Variants in GALNT8 observed in about 807,000 individuals in gnomAD.
The protein encoded by GALNT8 is probable polypeptide N-acetylgalactosaminyltransferase 8.
GALNT8 carries 66 observed loss-of-function variants against 62.7 expected under a neutral mutation model. The ratio of observed to expected loss-of-function variants is 1.05; its 90% CI spans 0.86 to 1.29. GALNT8 has a LOEUF of 1.29. GALNT8 is among the 50% of genes most tolerant of loss of function. GALNT8 has a pLI of 0.00. For synonymous variants in GALNT8, 288 were observed against 294.3 expected, an observed-to-expected ratio of 0.98 and a Z score of 0.22; for missense variants, 771 against 791.8, an observed-to-expected ratio of 0.97 and a Z score of 0.32.
intron 10 of GALNT8, among the ~76,000 whole-genome samples, chr12:4,769,663 A>G (rs1293628808): frequency 6.6e-6 from 1 of 151,898 alleles, no homozygotes; most frequent in South Asian, 2.1e-4. Flanking sequence ...GACCACATAT[A>G]CAATATTATC....
intron 6 of GALNT8, among the ~76,000 whole-genome samples, chr12:4,750,568 C>T (rs1370593882): frequency 3.3e-5 from 5 of 152,142 alleles, no homozygotes; most frequent in Non-Finnish European, 7.4e-5. Context: ...GTATGTACTA[C>T]ATTTTCATTA....
chr12:4,769,362 C>T (rs570478627), intron 10 of GALNT8, among the ~76,000 whole-genome samples: 3 of 152,334 alleles, frequency 2.0e-5, no homozygotes, highest in African/African-American at 7.2e-5. Context: ...AGAACCCAAA[C>T]TAACTACAAC....
At chr12:4,729,748 T>C (rs1325495381) in intron 2 of GALNT8, among the ~76,000 whole-genome samples, 2 of 152,174 alleles carry the variant, frequency 1.3e-5, no homozygotes, top group Admixed American at 6.5e-5. Flanking sequence ...ATATACCCAG[T>C]ATAGGATTGC....
chr12:4,720,804 A>G lies in GALNT8; in HGVS notation c.127A>G (p.Arg43Gly), dbSNP rs1196719462. 6 of 1,611,998 alleles carry G rather than the reference A, an allele frequency of 3.7e-6. No individual in the cohort carries two copies. Among genetic ancestry groups the G allele is most frequent in the Non-Finnish European group, 4.2e-6 (5 of 1,178,018 alleles). Residue 43 changes from arginine (R) to glycine (G), a missense_variant, in exon 1 of 11, where the codon AGG (arginine) becomes GGG (glycine). By Grantham distance (125) the Arg-to-Gly change is moderately radical (BLOSUM62 -2). Coordinates refer to ENST00000252318, the MANE Select transcript of GALNT8 (RefSeq NM_017417.2). ...LQNLFTGGLHRELPLHLNKRY... is the reference protein window; with the variant it reads ...LQNLFTGGLHGELPLHLNKRY... ...AAACCTGTTTACGGGTGGTCTCCAC[A>G]GGGAGCTTCCTTTACATCTGAATAA...
At chr12:4,771,911 C>G (rs1231555951) in intron 10 of GALNT8, among the ~76,000 whole-genome samples, 1 of 152,204 alleles carries the variant, frequency 6.6e-6, no homozygotes, top group Non-Finnish European at 1.5e-5. Context: ...CTTTGTAGCA[C>G]TAAAGCCTAT....
chr12:4,769,282 C>T (rs59929441), intron 10 of GALNT8, among the ~76,000 whole-genome samples: 3 of 152,178 alleles, frequency 2.0e-5, no homozygotes, highest in Admixed American at 2.0e-4. Flanking sequence ...CCACACACCA[C>T]TGGTGAGCAT....
Position 4,744,686 on chromosome 12 carries a change from A to G in GALNT8, c.846A>G (p.Glu282=). The part of the protein sequence containing the change: ...DVVAILDAHI[E]VNVGWAEPIL... ...TCGCCATCTTGGATGCTCACATTGA[A>G]GTCAATGTTGGGTGGTAAGGCTCAA... is the stretch of plus-strand genomic sequence containing the variant. Residue 282 remains glutamate (E), a synonymous_variant, in exon 4 of 11, where the codon GAA becomes GAG. Coordinates refer to ENST00000252318, the MANE Select transcript of GALNT8 (RefSeq NM_017417.2). 1 of 1,610,368 alleles carries G rather than the reference A, an allele frequency of 6.2e-7. No individual in the cohort carries two copies. Among genetic ancestry groups the G allele is most frequent in the Non-Finnish European group, 8.5e-7 (1 of 1,177,700 alleles).
chr12:4,772,662 C>A lies in GALNT8; in HGVS notation c.*65C>A. The A allele has an allele frequency of 8.2e-7, 1 of 1,222,352 alleles. No homozygotes were observed. Among genetic ancestry groups the A allele is most frequent in the Non-Finnish European group, 1.2e-6 (1 of 840,194 alleles). The allele number at this position is 1,222,352 out of a possible 1,614,324, so 75.7% of individuals were successfully genotyped here. ...AGTGGAATGGCTTCTACTCCTAACA[C>A]TCCCAGCTTCTTTCTCAATGAGAAA... On this transcript the variant is annotated 3_prime_UTR_variant, in exon 11 of 11. Coordinates refer to ENST00000252318, the MANE Select transcript of GALNT8 (RefSeq NM_017417.2).
rs1449659595 is a variant in GALNT8, at chr12:4,744,541, A to G, written c.701A>G (p.Glu234Gly). The G allele has an allele frequency of 6.2e-7, 1 of 1,610,892 alleles. No homozygotes were observed. The highest frequency in any genetic ancestry group is 1.7e-5 in the Admixed American group (1 of 59,596). The change falls in exon 4 of 11, where the codon GAG becomes GGG. Residue 234 changes from glutamate (E) to glycine (G), a missense_variant. By Grantham distance (98) the Glu-to-Gly change is moderately conservative. Transcript: ENST00000252318. Reference protein sequence around the residue: ...SNGELKVHLDEKIKLYNQKYP... With the variant: ...SNGELKVHLDGKIKLYNQKYP... ...GGAGAACTAAAGGTACACTTGGATG[A>G]GAAGATTAAGCTTTACAACCAGAAG... is the stretch of plus-strand genomic sequence containing the variant.
At position 4,766,592 on chromosome 12, in the gene GALNT8, A is replaced by G. The variant is rs777633680; in HGVS notation, c.1761+1046A>G. Among the ~76,000 whole-genome samples, 3 of 152,316 alleles carry G rather than the reference A, an allele frequency of 2.0e-5. No individual in the cohort carries two copies. In the Middle Eastern group the frequency reaches 0.01, roughly 522 times the overall value. On this transcript the variant is annotated intron_variant, in intron 10 of 10. Coordinates refer to ENST00000252318, the MANE Select transcript of GALNT8 (RefSeq NM_017417.2). Reference sequence around the variant, plus strand: ...AAGGACAGGGCGGAGGGAATCTGGCAGAATTCATGTGATGATGACGCGAGG... The same window carrying G: ...AAGGACAGGGCGGAGGGAATCTGGCGGAATTCATGTGATGATGACGCGAGG...
chr12:4,772,107 G>A (rs1946427292), intron 10 of GALNT8, among the ~76,000 whole-genome samples: 1 of 152,146 alleles, frequency 6.6e-6, no homozygotes, highest in Admixed American at 6.5e-5. Flanking sequence ...TGAGGACGTG[G>A]AGAGGAGGGC....
At chr12:4,750,820 A>T (rs2137535299) in intron 6 of GALNT8, among the ~76,000 whole-genome samples, 2 of 152,200 alleles carry the variant, frequency 1.3e-5, no homozygotes, top group South Asian at 4.1e-4. Flanking sequence ...TTTCTTCACA[A>T]CCTTGCCAGC....
At chr12:4,733,664 A>C (rs1174141211) in intron 2 of GALNT8, among the ~76,000 whole-genome samples, 2 of 152,240 alleles carry the variant, frequency 1.3e-5, no homozygotes, top group Non-Finnish European at 2.9e-5. Context: ...ACTAGGCTTT[A>C]AAGAATTTAA....
rs1438180105 is a variant in GALNT8, at chr12:4,720,721, T to C, written c.44T>C (p.Leu15Pro). The C allele has an allele frequency of 3.1e-6, 5 of 1,613,914 alleles. No homozygotes were observed. Among genetic ancestry groups the C allele is most frequent in the Non-Finnish European group, 4.2e-6 (5 of 1,179,866 alleles). ...RKLPKALFIG[L>P]TLAIAVNLLL... Reference sequence around the variant, plus strand: ...CTCCCCAAAGCCCTCTTCATTGGGCTGACTCTGGCCATTGCTGTCAATCTC... The same window carrying C: ...CTCCCCAAAGCCCTCTTCATTGGGCCGACTCTGGCCATTGCTGTCAATCTC... The change falls in exon 1 of 11, where the codon CTG becomes CCG. Residue 15 changes from leucine to proline, a missense_variant. By Grantham distance (98) the Leu-to-Pro change is moderately conservative. Transcript: ENST00000252318.
intron 6 of GALNT8, among the ~76,000 whole-genome samples, chr12:4,755,950 C>T (rs1000873385): frequency 1.1e-4 from 16 of 152,128 alleles, no homozygotes; most frequent in African/African-American, 3.9e-4. Flanking sequence ...TAGCAGCTAC[C>T]TAGGACAGAA....
intron 10 of GALNT8, chr12:4,768,395 C>T (rs957106806): frequency 2.7e-6 from 1 of 375,370 alleles, no homozygotes; most frequent in South Asian, 2.1e-5. Context: ...ATTTTATTCT[C>T]ATTTTTTCAT....
chr12:4,770,295 G>C (rs10431362), intron 10 of GALNT8, among the ~76,000 whole-genome samples: 78,301 of 148,744 alleles, frequency 0.53, 20,958 homozygotes, highest in Non-Finnish European at 0.59. Context: ...GAGCGAGACT[G>C]TGTCTCAAAA....
chr12:4,770,163 G>A (rs564138987), intron 10 of GALNT8, among the ~76,000 whole-genome samples: 10 of 152,072 alleles, frequency 6.6e-5, no homozygotes, highest in East Asian at 1.9e-4. Flanking sequence ...TTAGCTGGTT[G>A]TGGTGGTGGG....
At chr12:4,756,608 A>G (rs978030039) in intron 6 of GALNT8, among the ~76,000 whole-genome samples, 4 of 152,134 alleles carry the variant, frequency 2.6e-5, no homozygotes, top group African/African-American at 9.7e-5. Context: ...TGTGCTTGTG[A>G]CAAGGTGATC....
Sources: gnomAD v4.1 joint callset for allele counts (sites outside exome capture counted in the v4.1 genomes callset) on GRCh38, gnomAD v4.1.1 for gene constraint, MANE v1.5 for transcripts, NCBI Gene and HGNC (gene_info 2026-07-23, HGNC 2026-07-21) for gene names.